GK5: variants seen among roughly 807,000 people sequenced by gnomAD.
GK5 encodes ATP:glycerol 3-phosphotransferase 5.
A neutral mutation model predicts 77.3 loss-of-function variants in GK5; 39 were observed. The ratio of observed to expected loss-of-function variants is 0.50; its 90% CI spans 0.39 to 0.66. The LOEUF is 0.66. Ranked by LOEUF, GK5 falls within the 30% of genes least tolerant of loss-of-function variation. GK5 has a pLI of 0.00. For synonymous variants in GK5, 211 were observed against 208.0 expected (o/e 1.01, Z -0.13); for missense variants, 487 against 633.8 (o/e 0.77, Z 2.49).
chr3:142,202,833 T>TGTAATCCCA (rs2064047607), intron 4 of GK5, among the ~76,000 whole-genome samples: 1 of 152,314 alleles, frequency 6.6e-6, no homozygotes, highest in African/African-American at 2.4e-5. Context: ...GGCATGTGCC[T>TGTAATCCCA]GTAATCCCAG....
intron 1 of GK5, among the ~76,000 whole-genome samples, chr3:142,220,809 G>C (rs2064335186): frequency 6.6e-6 from 1 of 152,164 alleles, no homozygotes; most frequent in Admixed American, 6.5e-5. Context: ...TTCTAGGGTG[G>C]AACTCTGGAA....
Position 142,212,830 on chromosome 3 carries a change from T to TTTTTTTTTTTC in GK5, c.317+695_317+696insGAAAAAAAAAA, listed in dbSNP as rs1268570646. On this transcript the variant is annotated intron_variant, in intron 3 of 15. Coordinates refer to ENST00000392993, the MANE Select transcript of GK5 (RefSeq NM_001039547.3). ...TCATATGCTATAGACAAATATTTTC[T>TTTTTTTTTTTC]TTTTTTTTTCTTTTTTTTTTTTTGA... 0.012 allele frequency among the ~76,000 whole-genome samples: 188 copies of TTTTTTTTTTTC among 15,556 alleles called. 4 individuals are homozygous for TTTTTTTTTTTC. The African/African-American group carries it at 0.12, about 10-fold the overall frequency. The allele number at this position is 15,556 out of a possible 152,430, so 10.2% of individuals were successfully genotyped here.
intron 6 of GK5, 121 bp from the exon 7 acceptor site, chr3:142,186,634 T>C (rs1002653642): frequency 2.0e-5 from 8 of 400,328 alleles, no homozygotes; most frequent in East Asian, 1.3e-4. Context: ...TATTTTCTTT[T>C]TTTTTTTTTT....
Position 142,182,983 on chromosome 3 carries a change from T to C in GK5, c.883A>G (p.Met295Val), listed in dbSNP as rs373423684. The C allele has an allele frequency of 6.2e-7, 1 of 1,613,252 alleles. No homozygotes were observed. Residue 295 changes from methionine to valine, a missense_variant, in exon 10 of 16, where the codon ATG (methionine) becomes GTG (valine). Coordinates refer to ENST00000392993, the MANE Select transcript of GK5 (RefSeq NM_001039547.3). Reference protein sequence around the residue: ...CFQTGDVKLTMGTGTFLDINT... With the variant: ...CFQTGDVKLTVGTGTFLDINT... ...ATATCCAAAAATGTCCCAGTTCCCATGGTTAATTTCACATCACCTGTCTGG... is the reference window on the plus strand; with the variant it reads ...ATATCCAAAAATGTCCCAGTTCCCACGGTTAATTTCACATCACCTGTCTGG...
In GK5 at chr3:142,158,927, G is replaced by C. The variant is rs2063402809; in HGVS notation, c.*6695C>G. 6.6e-6 allele frequency: 1 copy of C among 151,996 alleles called. No homozygotes were observed. The highest frequency in any genetic ancestry group is 1.5e-5 in the Non-Finnish European group (1 of 68,004). The allele number at this position is 151,996 out of a possible 1,614,324, so 9.4% of individuals were successfully genotyped here. ...AAAGAAAGAATATGAGAACTCTTGG[G>C]CTCAGTACAGTGTAAATATGTTCAA... On this transcript the variant is annotated 3_prime_UTR_variant, in exon 16 of 16. Transcript: ENST00000392993.
At chr3:142,187,273 A>AG (rs2063785814) in intron 6 of GK5, among the ~76,000 whole-genome samples, 1 of 152,064 alleles carries the variant, frequency 6.6e-6, no homozygotes, top group African/African-American at 2.4e-5. Flanking sequence ...AGGGTACCAA[A>AG]GAGCAGTATG....
intron 3 of GK5, among the ~76,000 whole-genome samples, chr3:142,206,376 C>T (rs2064107327): frequency 6.6e-6 from 1 of 152,132 alleles, no homozygotes; most frequent in South Asian, 2.1e-4. Context: ...TACATTTCTA[C>T]CAGTAATGTA....
chr3:142,204,058 AC>A (rs1205209595), intron 4 of GK5, among the ~76,000 whole-genome samples: 6 of 152,132 alleles, frequency 3.9e-5, no homozygotes, highest in Non-Finnish European at 7.4e-5. Flanking sequence ...TCACCGTGTC[AC>A]CCAGACAGAG....
intron 3 of GK5, among the ~76,000 whole-genome samples, chr3:142,209,102 T>C (rs577713567): frequency 1.1e-4 from 16 of 151,044 alleles, no homozygotes; most frequent in Admixed American, 4.0e-4. Flanking sequence ...TGAGCCGAGA[T>C]AGCACCACTG....
chr3:142,201,981 T>C (rs2064032200), intron 4 of GK5, among the ~76,000 whole-genome samples: 1 of 152,106 alleles, frequency 6.6e-6, no homozygotes, highest in African/African-American at 2.4e-5. Flanking sequence ...GGTTCCCAGA[T>C]GTGCTACATG....
At chr3:142,205,075 C>A (rs1432353564) in intron 3 of GK5, among the ~76,000 whole-genome samples, 5 of 152,186 alleles carry the variant, frequency 3.3e-5, no homozygotes, top group Non-Finnish European at 7.4e-5. Context: ...TTTTTAAAAG[C>A]CAATGCTTTT....
intron 1 of GK5, among the ~76,000 whole-genome samples, chr3:142,223,293 C>CA (rs1293931741): frequency 7.2e-5 from 11 of 151,954 alleles, no homozygotes; most frequent in Non-Finnish European, 1.6e-4. Flanking sequence ...CAAAAACAAA[C>CA]AAAAAAACAG....
chr3:142,168,353 T>G (rs2063497073), intron 15 of GK5, among the ~76,000 whole-genome samples: 1 of 152,138 alleles, frequency 6.6e-6, no homozygotes, highest in Non-Finnish European at 1.5e-5. Context: ...TGGGATTGAT[T>G]AAGGGAAAGT....
intron 11 of GK5, among the ~76,000 whole-genome samples, chr3:142,179,647 A>C (rs2063666688): frequency 6.6e-6 from 1 of 152,256 alleles, no homozygotes; most frequent in African/African-American, 2.4e-5. Flanking sequence ...ACAGATAAAG[A>C]AACAGAAAAC....
chr3:142,182,812 AAATATGTTAGAG>A, intron 10 of GK5, 99 bp downstream of exon 10: 4 of 681,758 alleles, frequency 5.9e-6, no homozygotes, highest in Non-Finnish European at 9.6e-6. Flanking sequence ...AAGAATAATA[AAATATGTTAGAG>A]AATATCACAA....
intron 4 of GK5, among the ~76,000 whole-genome samples, chr3:142,203,259 T>A (rs1452162113): frequency 6.6e-6 from 1 of 152,160 alleles, no homozygotes; most frequent in African/African-American, 2.4e-5. Context: ...TATATTAAAC[T>A]ATCAAAAAGG....
chr3:142,178,942 A>G (rs1262375996), intron 11 of GK5, among the ~76,000 whole-genome samples: 3 of 152,200 alleles, frequency 2.0e-5, no homozygotes, highest in Non-Finnish European at 2.9e-5. Context: ...GATATTGTCT[A>G]TGTTTTTCAA....
chr3:142,184,779 T>G, intron 9 of GK5: 4 of 809,226 alleles, frequency 4.9e-6, no homozygotes, highest in Non-Finnish European at 6.0e-6. Flanking sequence ...GAGGTCACAG[T>G]GAGCCATCGG....
intron 9 of GK5, chr3:142,185,707 TA>T (rs1448357144): frequency 6.8e-7 from 1 of 1,469,458 alleles, no homozygotes; most frequent in Non-Finnish European, 9.0e-7. Flanking sequence ...GAAAAGGTTA[TA>T]AAGTACTTCC....
Sources: gnomAD v4.1 joint callset for allele counts (sites outside exome capture counted in the v4.1 genomes callset) on GRCh38, gnomAD v4.1.1 for gene constraint, MANE v1.5 for transcripts, NCBI Gene and HGNC (gene_info 2026-07-23, HGNC 2026-07-21) for gene names.